Variants in TMEM178B observed in about 807,000 individuals in gnomAD.
The protein encoded by TMEM178B is transmembrane protein 178B.
In TMEM178B, 5 loss-of-function variants were observed where a neutral mutation model predicts 31.0. The ratio of observed to expected loss-of-function variants is 0.16; its 90% CI spans 0.08 to 0.34. The LOEUF is 0.34. TMEM178B is among the 10% of genes least tolerant of loss of function. TMEM178B has a pLI of 1.00. For synonymous variants in TMEM178B, 164 were observed against 164.0 expected, an observed-to-expected ratio of 1.00 and a Z score of 0.00; for missense variants, 275 against 400.3, an observed-to-expected ratio of 0.69 and a Z score of 2.67.
chr7:141,210,774 C>A (rs1211253531), intron 1 of TMEM178B, among the ~76,000 whole-genome samples: 1 of 151,992 alleles, frequency 6.6e-6, no homozygotes, highest in African/African-American at 2.4e-5. Flanking sequence ...CTTGGCGAGT[C>A]CCTCCTATCT....
chr7:141,170,369 A>G (rs1043040121), intron 1 of TMEM178B, among the ~76,000 whole-genome samples: 2 of 152,300 alleles, frequency 1.3e-5, no homozygotes, highest in African/African-American at 2.4e-5. Context: ...AATCCGTCTT[A>G]CAGTGGATTA....
chr7:141,171,349 C>A lies in TMEM178B; in HGVS notation c.383-41242C>A, dbSNP rs1796346746. On this transcript the variant is annotated intron_variant, in intron 1 of 3. Coordinates refer to ENST00000565468, the MANE Select transcript of TMEM178B (RefSeq NM_001195278.2). The surrounding 1 kb of genome is among the most constrained non-coding windows in gnomAD (Gnocchi z 4.3). ...ATAGGCAGTGTTCTAAGTGCTTACA[C>A]ACATTATCTTACTTTGTTTATATAA... Among the ~76,000 whole-genome samples the A allele has an allele frequency of 6.6e-6, 1 of 152,186 alleles. No homozygotes were observed. Among genetic ancestry groups the A allele is most frequent in the South Asian group, 2.1e-4 (1 of 4,830 alleles).
chr7:141,255,118 C>T (rs1797905301), intron 2 of TMEM178B, among the ~76,000 whole-genome samples: 1 of 152,194 alleles, frequency 6.6e-6, no homozygotes, highest in Admixed American at 6.6e-5. Flanking sequence ...GCTTATTTTA[C>T]ACACAGTTTT....
rs1271262887 is a variant in TMEM178B, at chr7:141,318,243, G to T, written c.496+105539G>T. On this transcript the variant is annotated intron_variant, in intron 2 of 3. Coordinates refer to ENST00000565468, the MANE Select transcript of TMEM178B (RefSeq NM_001195278.2). This position sits in a 1 kb window ranked among gnomAD's most constrained non-coding sequence, Gnocchi z 4.1. ...CGTTCCCTATGTAAATGTCACACAAGTATATTGAATGTTGAGCCTGTAAAG... is the reference window on the plus strand; with the variant it reads ...CGTTCCCTATGTAAATGTCACACAATTATATTGAATGTTGAGCCTGTAAAG... Among the ~76,000 whole-genome samples, 1 of 152,166 alleles carries T rather than the reference G, an allele frequency of 6.6e-6. No individual in the cohort carries two copies. Among genetic ancestry groups the T allele is most frequent in the Non-Finnish European group, 1.5e-5 (1 of 68,036 alleles).
intron 3 of TMEM178B, among the ~76,000 whole-genome samples, chr7:141,444,753 C>T (rs1366175835): frequency 6.6e-6 from 1 of 152,112 alleles, no homozygotes; most frequent in Non-Finnish European, 1.5e-5. Context: ...AGCCTGGGAC[C>T]CAGCCTGCTT....
chr7:141,485,688 G>T, the TMEM178B span, among the ~76,000 whole-genome samples: 1 of 152,218 alleles, frequency 6.6e-6, no homozygotes, highest in South Asian at 2.1e-4. Flanking sequence ...ATAGCACTTT[G>T]AACTCGATGA....
chr7:141,337,203 C>A (rs1193865331), intron 2 of TMEM178B, among the ~76,000 whole-genome samples: 1 of 93,360 alleles, frequency 1.1e-5, no homozygotes, highest in Non-Finnish European at 2.2e-5. Context: ...ACCATCACCA[C>A]CACCACCATC....
chr7:141,145,641 G>C (rs187498201), intron 1 of TMEM178B, among the ~76,000 whole-genome samples: 4 of 152,308 alleles, frequency 2.6e-5, no homozygotes, highest in Admixed American at 6.5e-5. Flanking sequence ...ACACATGAAC[G>C]TGTACAAGAA....
chr7:141,261,247 C>G (rs1372648677), intron 2 of TMEM178B, among the ~76,000 whole-genome samples: 1 of 151,936 alleles, frequency 6.6e-6, no homozygotes, highest in East Asian at 1.9e-4. Flanking sequence ...GCAGTGCGCT[C>G]TCTTCTATTA....
At chr7:141,103,005 C>T (rs1795083457) in intron 1 of TMEM178B, among the ~76,000 whole-genome samples, 1 of 152,206 alleles carries the variant, frequency 6.6e-6, no homozygotes, top group Non-Finnish European at 1.5e-5. Context: ...GGCAGCCACA[C>T]TCACTGACAT....
At chr7:141,202,877 ATT>A (rs1047221304) in intron 1 of TMEM178B, among the ~76,000 whole-genome samples, 2 of 152,130 alleles carry the variant, frequency 1.3e-5, no homozygotes, top group Non-Finnish European at 1.5e-5. Context: ...TTTCTGCCCC[ATT>A]TGGGGACAGG....
intron 2 of TMEM178B, among the ~76,000 whole-genome samples, chr7:141,302,895 G>T (rs537361860): frequency 6.6e-6 from 1 of 152,166 alleles, no homozygotes; most frequent in Admixed American, 6.5e-5. Context: ...CACAGAAGAC[G>T]CAAACTCAAA....
chr7:141,390,690 A>C (rs1375309162), intron 2 of TMEM178B, among the ~76,000 whole-genome samples: 1 of 152,242 alleles, frequency 6.6e-6, no homozygotes, highest in Non-Finnish European at 1.5e-5. Context: ...CTTGGGATTG[A>C]AGGCAGGTAT....
intron 2 of TMEM178B, among the ~76,000 whole-genome samples, chr7:141,239,082 C>G (rs945658069): frequency 6.6e-6 from 1 of 152,156 alleles, no homozygotes; most frequent in Non-Finnish European, 1.5e-5. Flanking sequence ...TTGTTGTTAG[C>G]TGACCCAACT....
At chr7:141,387,660 C>A (rs1472163693) in intron 2 of TMEM178B, among the ~76,000 whole-genome samples, 1 of 152,154 alleles carries the variant, frequency 6.6e-6, no homozygotes, top group African/African-American at 2.4e-5. Flanking sequence ...AAGCGCTCAG[C>A]CTTCTCGTAT....
At chr7:141,455,472 A>G (rs942620137) in intron 3 of TMEM178B, among the ~76,000 whole-genome samples, 1 of 152,230 alleles carries the variant, frequency 6.6e-6, no homozygotes, top group African/African-American at 2.4e-5. Flanking sequence ...TTTCAGTGCA[A>G]CTGGAGAGAC....
chr7:141,492,482 G>T, the TMEM178B span, among the ~76,000 whole-genome samples: 1 of 152,154 alleles, frequency 6.6e-6, no homozygotes, highest in Non-Finnish European at 1.5e-5. Context: ...TGCAGCCCCT[G>T]AGCCTAGCAC....
At chr7:141,159,798 G>A (rs1311874038) in intron 1 of TMEM178B, among the ~76,000 whole-genome samples, 2 of 152,048 alleles carry the variant, frequency 1.3e-5, no homozygotes, top group East Asian at 1.9e-4. Context: ...AAGGGTGGTC[G>A]TCAGGGGGTT....
At position 141,422,237 on chromosome 7, in the gene TMEM178B, G is replaced by A. The variant is rs1426528184; in HGVS notation, c.497-15371G>A. On this transcript the variant is annotated intron_variant, in intron 2 of 3. Transcript: ENST00000565468. The surrounding 1 kb of genome is among the most constrained non-coding windows in gnomAD (Gnocchi z 4.2). ...ACTTGCCTGGTGTTATTGCTCTCCG[G>A]GCCCTCCATGTGGTGGGGCCCAAAG... Among the ~76,000 whole-genome samples, 19 of 152,170 alleles carry A rather than the reference G, an allele frequency of 1.2e-4. No individual in the cohort carries two copies. Among genetic ancestry groups the A allele is most frequent in the Non-Finnish European group, 7.3e-5 (5 of 68,028 alleles).
Sources: allele counts gnomAD v4.1 joint callset (sites outside exome capture counted in the v4.1 genomes callset), GRCh38; gene constraint gnomAD v4.1.1; non-coding constraint Gnocchi (gnomAD v3.1); transcripts MANE v1.5; gene names NCBI Gene and HGNC (gene_info 2026-07-23, HGNC 2026-07-21).